Variants in KCNH2 observed in about 807,000 individuals in gnomAD.
The protein encoded by KCNH2 is voltage-gated inwardly rectifying potassium channel KCNH2.
In KCNH2, 35 loss-of-function variants were observed where a neutral mutation model predicts 95.9. The observed-to-expected ratio is 0.37, with a 90% CI of 0.28 to 0.48. The LOEUF (loss-of-function observed/expected upper bound fraction) is 0.48. KCNH2 is among the 20% of genes least tolerant of loss of function. The probability of loss-of-function intolerance (pLI) is 0.99; values close to 1 mark genes in which losing one functional copy is unlikely to be tolerated. For synonymous variants in KCNH2, 786 were observed against 754.7 expected (o/e 1.04, Z -0.68); for missense variants, 1,274 against 1,702.9 (o/e 0.75, Z 4.43).
intron 2 of KCNH2, among the ~76,000 whole-genome samples, chr7:150,964,518 C>T (rs1801651080): frequency 6.6e-6 from 1 of 152,256 alleles, no homozygotes; most frequent in Admixed American, 6.5e-5. Flanking sequence ...GCAGGTCACC[C>T]ACCTCCCTGG....
At chr7:150,948,399 TCAC>T (rs946006577) in intron 11 of KCNH2, 42 bp downstream of exon 11, 1 of 1,436,612 alleles carries the variant, frequency 7.0e-7, no homozygotes. Context: ...GCTCCCAGCC[TCAC>T]CTTGTCCCCG....
Position 150,945,664 on chromosome 7 carries a change from C to T in KCNH2, c.3331-150G>A. ...AGGTGGGCAGAGAAGCTGGAGGGGACAAGAGCCAAGGCAGCGAGAGCAGGA... is the reference window on the plus strand; with the variant it reads ...AGGTGGGCAGAGAAGCTGGAGGGGATAAGAGCCAAGGCAGCGAGAGCAGGA... On this transcript the variant is annotated intron_variant, in intron 14 of 14. Coordinates refer to ENST00000262186, the MANE Select transcript of KCNH2 (RefSeq NM_000238.4). This position sits in a 1 kb window ranked among gnomAD's most constrained non-coding sequence, Gnocchi z 5.6. 1 of 833,808 alleles carries T rather than the reference C, an allele frequency of 1.2e-6. No individual in the cohort carries two copies. Among genetic ancestry groups the T allele is most frequent in the Admixed American group, 2.0e-5 (1 of 48,928 alleles). The allele number at this position is 833,808 out of a possible 1,614,324, so 51.7% of individuals were successfully genotyped here.
rs1800848152 is a variant in KCNH2, at chr7:150,945,267, T to A, written c.*98A>T. The A allele has an allele frequency of 7.4e-7, 1 of 1,354,500 alleles. No individual in the cohort carries two copies. Among genetic ancestry groups the A allele is most frequent in the African/African-American group, 1.5e-5 (1 of 68,342 alleles). 83.9% of individuals were successfully genotyped at this position (1,354,500 alleles called of 1,614,324 possible). A position where few individuals can be genotyped will look rare whatever the true frequency, so the allele number is the denominator to read the frequency against. On this transcript the variant is annotated 3_prime_UTR_variant, in exon 15 of 15. Coordinates refer to ENST00000262186, the MANE Select transcript of KCNH2 (RefSeq NM_000238.4). The surrounding 1 kb of genome is among the most constrained non-coding windows in gnomAD (Gnocchi z 5.6). ...GCTGTGCTTTCGAGTTCCTCTCCCC[T>A]TCCACGGTCAGGGCCTCCTGAGCAG...
Position 150,961,324 on chromosome 7 carries a change from G to T in KCNH2, c.308-1588C>A, listed in dbSNP as rs1801561911. Among the ~76,000 whole-genome samples the T allele has an allele frequency of 6.6e-6, 1 of 150,398 alleles. No homozygotes were observed. Among genetic ancestry groups the T allele is most frequent in the Admixed American group, 6.6e-5 (1 of 15,158 alleles). On this transcript the variant is annotated intron_variant, in intron 2 of 14. Coordinates refer to ENST00000262186, the MANE Select transcript of KCNH2 (RefSeq NM_000238.4). The surrounding 1 kb of genome is among the most constrained non-coding windows in gnomAD (Gnocchi z 6.2). ...TTTTTTTTTTTTTTTCTGAGACAGG[G>T]TTTCACTCTGTCACCCAGGGTGGAG...
chr7:150,951,092 G>A lies in KCNH2; in HGVS notation c.1974C>T (p.Asn658=), dbSNP rs553107049. The change falls in exon 8 of 15, where the codon AAC becomes AAT. Residue 658 remains asparagine, a synonymous_variant. Coordinates refer to ENST00000262186, the MANE Select transcript of KCNH2 (RefSeq NM_000238.4). ...GSLMYASIFG[N]VSAIIQRLYS... ...ACAGCCGCTGGATGATGGCCGACACGTTGCCGAAGATGCTAGCATACATGA... is the reference window on the plus strand; with the variant it reads ...ACAGCCGCTGGATGATGGCCGACACATTGCCGAAGATGCTAGCATACATGA... 1.9e-5 allele frequency: 31 copies of A among 1,612,436 alleles called. No individual in the cohort carries two copies. Among genetic ancestry groups the A allele is most frequent in the Middle Eastern group, 1.7e-4 (1 of 6,060 alleles).
Position 150,947,329 on chromosome 7 carries a change from T to A in KCNH2, c.3151A>T (p.Arg1051Trp). ...RLDALQRQLN[R>W]LETRLSADMA... ...CCCACCCCACCTGCACTCCCTCACC[T>A]GTTGAGCTGGCGCTGGAGGGCATCC... The change falls in exon 13 of 15, where the codon AGG becomes TGG. Residue 1051 changes from arginine to tryptophan, a missense_variant and splice_region_variant. Arg to Trp is a moderately radical substitution (Grantham distance 101). Transcript: ENST00000262186. The A allele has an allele frequency of 1.3e-6, 2 of 1,540,702 alleles. No individual in the cohort carries two copies. The highest frequency in any genetic ancestry group is 1.7e-6 in the Non-Finnish European group (2 of 1,146,150).
Position 150,951,710 on chromosome 7 carries a change from C to G in KCNH2, c.1683G>C (p.Ala561=), listed in dbSNP as rs140366118. ...CGTACCAGATGCAGGCTAGCCAGTG[C>G]GCGATGAGCGCAAAGGTGCACATGA... ...FLLMCTFALI[A]HWLACIWYAI... is the part of the protein sequence containing the mutation. Residue 561 remains alanine (A), a synonymous_variant, in exon 7 of 15, where the codon GCG becomes GCC. Coordinates refer to ENST00000262186, the MANE Select transcript of KCNH2 (RefSeq NM_000238.4). The G allele has an allele frequency of 6.2e-6, 10 of 1,613,984 alleles. No individual in the cohort carries two copies. The highest frequency in any genetic ancestry group is 7.6e-6 in the Non-Finnish European group (9 of 1,179,944).
At chr7:150,948,819 C>T (rs775713207) in intron 10 of KCNH2, 37 bp downstream of exon 10, 1 of 1,590,386 alleles carries the variant, frequency 6.3e-7, no homozygotes. Flanking sequence ...CAGCTGGAAG[C>T]AGGAGGATGG....
chr7:150,947,590 C>CCG lies in KCNH2; in HGVS notation c.2965+14_2965+15dup. On this transcript the variant is annotated intron_variant, in intron 12 of 14. Coordinates refer to ENST00000262186, the MANE Select transcript of KCNH2 (RefSeq NM_000238.4). ...CCACGCCCGGTCCTCCCTCGCCCGCCCGTCGCCCGGGATACCTGACAGGGG... is the reference window on the plus strand; with the variant it reads ...CCACGCCCGGTCCTCCCTCGCCCGCCCGCGTCGCCCGGGATACCTGACAGGGG... 6.2e-7 allele frequency: 1 copy of CCG among 1,611,552 alleles called. No individual in the cohort carries two copies. Among genetic ancestry groups the CCG allele is most frequent in the Admixed American group, 1.7e-5 (1 of 59,828 alleles).
rs1478156218 is a variant in KCNH2, at chr7:150,947,375, C to A, written c.3105G>T (p.Arg1035=). 1 of 1,548,008 alleles carries A rather than the reference C, an allele frequency of 6.5e-7. No individual in the cohort carries two copies. The highest frequency in any genetic ancestry group is 2.4e-5 in the East Asian group (1 of 41,056). ...CATCCAGCCTGCTCTCCACGTCGCC[C>A]CGGGGCCGCCGACCCGGGCTGGAGA... ...IPLSSPGRRP[R]GDVESRLDAL... Residue 1035 remains arginine (R), a synonymous_variant, in exon 13 of 15, where the codon CGG becomes CGT. Transcript: ENST00000262186.
rs199689474 is a variant in KCNH2 at position 150,951,864 on chromosome 7, T to C, written c.1558-29A>G. Reference sequence around the variant, plus strand: ...GGGGACAGGGAAGGGGCACATTCCGTTGATGGGGCAAGGGGGGCAAGGGAG... The same window carrying C: ...GGGGACAGGGAAGGGGCACATTCCGCTGATGGGGCAAGGGGGGCAAGGGAG... On this transcript the variant is annotated intron_variant, in intron 6 of 14. Coordinates refer to ENST00000262186, the MANE Select transcript of KCNH2 (RefSeq NM_000238.4). 79 of 1,545,526 alleles carry C rather than the reference T, an allele frequency of 5.1e-5. No homozygotes were observed. In the East Asian group the frequency reaches 1.8e-3, roughly 35 times the overall value.
In KCNH2 at chr7:150,951,392, A is replaced by G. The variant is rs909595427; in HGVS notation, c.1945+56T>C. The G allele has an allele frequency of 1.8e-5, 29 of 1,606,774 alleles. No homozygotes were observed. The African/African-American group carries it at 3.6e-4, about 20-fold the overall frequency. On this transcript the variant is annotated intron_variant, in intron 7 of 14. Coordinates refer to ENST00000262186, the MANE Select transcript of KCNH2 (RefSeq NM_000238.4). ...CCGGCTAGCAGCCTCAGTTTCCTCC[A>G]ACTTGGGTTCCTCCACCGTGGGCTC...
At chr7:150,974,516 G>GT (rs1481300992) in intron 2 of KCNH2, among the ~76,000 whole-genome samples, 195 bp downstream of exon 2, 2 of 152,136 alleles carry the variant, frequency 1.3e-5, no homozygotes, top group African/African-American at 4.8e-5. Flanking sequence ...TGAGGCGCAG[G>GT]CCCCGGAACC....
chr7:150,954,963 T>C (rs1801317240), intron 5 of KCNH2, among the ~76,000 whole-genome samples: 1 of 152,140 alleles, frequency 6.6e-6, no homozygotes, highest in Non-Finnish European at 1.5e-5. Flanking sequence ...ACAAGCCTCC[T>C]TTGCCCACAG....
chr7:150,951,710 C>A lies in KCNH2; in HGVS notation c.1683G>T (p.Ala561=). 2 of 1,614,102 alleles carry A rather than the reference C, an allele frequency of 1.2e-6. No homozygotes were observed. Among genetic ancestry groups the A allele is most frequent in the Non-Finnish European group, 1.7e-6 (2 of 1,179,936 alleles). ...CGTACCAGATGCAGGCTAGCCAGTG[C>A]GCGATGAGCGCAAAGGTGCACATGA... is the stretch of plus-strand genomic sequence containing the variant. ...FLLMCTFALI[A]HWLACIWYAI... Residue 561 remains alanine (A), a synonymous_variant, in exon 7 of 15, where the codon GCG becomes GCT. Coordinates refer to ENST00000262186, the MANE Select transcript of KCNH2 (RefSeq NM_000238.4).
Position 150,945,054 on chromosome 7 carries a change from G to A in KCNH2, c.*311C>T, listed in dbSNP as rs1053212280. 9.1e-5 allele frequency: 36 copies of A among 395,086 alleles called. No individual in the cohort carries two copies. The highest frequency in any genetic ancestry group is 7.2e-4 in the African/African-American group (36 of 50,198). The allele number at this position is 395,086 out of a possible 1,614,324, so 24.5% of individuals were successfully genotyped here. A position where few individuals can be genotyped will look rare whatever the true frequency, so the allele number is the denominator to read the frequency against. ...ATTATTATCCTTAACAATAAGAGCA[G>A]TAAATAGCAGAAAAGTCCTTGAGGT... On this transcript the variant is annotated 3_prime_UTR_variant, in exon 15 of 15. Transcript: ENST00000262186. The surrounding 1 kb of genome is among the most constrained non-coding windows in gnomAD (Gnocchi z 5.6).
At chr7:150,956,108 G>A (rs956303770) in intron 5 of KCNH2, among the ~76,000 whole-genome samples, 1 of 152,102 alleles carries the variant, frequency 6.6e-6, no homozygotes, top group Non-Finnish European at 1.5e-5. Context: ...GAACACACAC[G>A]CCTGCCGACA....
In KCNH2 at chr7:150,958,233, G is replaced by A; in HGVS notation, c.742C>T (p.Leu248Phe). ...GSPPRSAPGQ[L>F]PSPRAHSLNP... ...AGGCTGTGCGCCCGGGGCGATGGGA[G>A]CTGGCCGGGCGCGCTGCGGGGCGGA... is the stretch of plus-strand genomic sequence containing the variant. The change falls in exon 4 of 15, where the codon CTC (leucine) becomes TTC (phenylalanine). Residue 248 changes from leucine to phenylalanine, a missense_variant. By Grantham distance (22) the Leu-to-Phe change is conservative (BLOSUM62 0). Transcript: ENST00000262186. The A allele has an allele frequency of 7.2e-7, 1 of 1,392,564 alleles. No individual in the cohort carries two copies. Among genetic ancestry groups the A allele is most frequent in the Non-Finnish European group, 9.3e-7 (1 of 1,076,210 alleles). The allele number at this position is 1,392,564 out of a possible 1,614,324, so 86.3% of individuals were successfully genotyped here.
rs763449103 is a variant in KCNH2, at chr7:150,947,584, G to A, written c.2965+22C>T. 83 of 1,610,468 alleles carry A rather than the reference G, an allele frequency of 5.2e-5. 1 individual carries two copies. Among genetic ancestry groups the A allele is most frequent in the South Asian group, 8.9e-5 (8 of 90,366 alleles). On this transcript the variant is annotated intron_variant, in intron 12 of 14. Coordinates refer to ENST00000262186, the MANE Select transcript of KCNH2 (RefSeq NM_000238.4). ...CCGCTGCCACGCCCGGTCCTCCCTC[G>A]CCCGCCCGTCGCCCGGGATACCTGA...
Sources: allele counts gnomAD v4.1 joint callset (sites outside exome capture counted in the v4.1 genomes callset), GRCh38; gene constraint gnomAD v4.1.1; non-coding constraint Gnocchi (gnomAD v3.1); transcripts MANE v1.5; gene names NCBI Gene and HGNC (gene_info 2026-07-23, HGNC 2026-07-21).